Variants in CELF5 observed in about 807,000 individuals in gnomAD.
CELF5 encodes CUG-BP and ETR-3 like factor 5.
A neutral mutation model predicts 54.9 loss-of-function variants in CELF5; 6 were observed. The ratio of observed to expected loss-of-function variants is 0.11; its 90% CI spans 0.06 to 0.22. The LOEUF is 0.22. Among genes scored for constraint, CELF5 ranks in the 10% least tolerant of loss-of-function variants. The pLI is 1.00. For missense variants in CELF5, 401 were observed against 678.6 expected, an observed-to-expected ratio of 0.59 and a Z score of 4.54; for synonymous variants, 271 against 290.9, an observed-to-expected ratio of 0.93 and a Z score of 0.70.
intron 10 of CELF5, among the ~76,000 whole-genome samples, chr19:3,289,822 C>T (rs2080313862): frequency 6.6e-6 from 1 of 151,302 alleles, no homozygotes; most frequent in South Asian, 2.1e-4. Flanking sequence ...CCTTATTCTC[C>T]ACACCCAGCT....
intron 2 of CELF5, among the ~76,000 whole-genome samples, chr19:3,264,934 C>T (rs1469681205): frequency 6.6e-6 from 1 of 151,578 alleles, no homozygotes; most frequent in Non-Finnish European, 1.5e-5. Context: ...AGGTTGGTCT[C>T]AAACTCTGAC....
intron 10 of CELF5, 28 bp downstream of exon 10, chr19:3,286,053 G>A (rs377581051): frequency 1.8e-5 from 27 of 1,512,270 alleles, no homozygotes; most frequent in East Asian, 2.5e-5. Context: ...TCCCCTGGGC[G>A]CCAGCCCCGC....
chr19:3,296,542 T>C (rs2145351465), intron 12 of CELF5: 1 of 152,040 alleles, frequency 6.6e-6, no homozygotes, highest in Admixed American at 6.6e-5. Flanking sequence ...TTGATAATTG[T>C]TTCGAGACTC....
chr19:3,257,526 A>C (rs933121083), intron 2 of CELF5, among the ~76,000 whole-genome samples: 3 of 151,832 alleles, frequency 2.0e-5, no homozygotes, highest in Non-Finnish European at 2.9e-5. Context: ...CCCAGGCTGG[A>C]GTGCAGTGGT....
chr19:3,292,828 C>T (rs890999398), intron 11 of CELF5, among the ~76,000 whole-genome samples: 2 of 151,970 alleles, frequency 1.3e-5, no homozygotes, highest in African/African-American at 2.4e-5. Flanking sequence ...CCAAGGAGGT[C>T]GAGGCTGCAG....
At chr19:3,240,385 G>T (rs2079475047) in intron 1 of CELF5, among the ~76,000 whole-genome samples, 1 of 151,412 alleles carries the variant, frequency 6.6e-6, no homozygotes, top group Non-Finnish European at 1.5e-5. Context: ...GAATGCAGTG[G>T]CATAATCTCA....
At chr19:3,259,078 G>A (rs960942808) in intron 2 of CELF5, among the ~76,000 whole-genome samples, 3 of 152,162 alleles carry the variant, frequency 2.0e-5, no homozygotes, top group African/African-American at 7.2e-5. Context: ...AGGAGGGAAT[G>A]TTTGGGATGA....
chr19:3,245,332 G>T (rs1263902929), intron 1 of CELF5, among the ~76,000 whole-genome samples: 1 of 146,348 alleles, frequency 6.8e-6, no homozygotes, highest in Non-Finnish European at 1.5e-5. Context: ...GCATCTGTGT[G>T]TGTGCGTGTG....
Position 3,281,106 on chromosome 19 carries a change from C to T in CELF5, c.604-93C>T. On this transcript the variant is annotated intron_variant, in intron 5 of 12. Coordinates refer to ENST00000292672, the MANE Select transcript of CELF5 (RefSeq NM_021938.4). This position sits in a 1 kb window ranked among gnomAD's most constrained non-coding sequence, Gnocchi z 6.5. Reference sequence around the variant, plus strand: ...ACAGCCACTGGCATTACACCCCTCACCCAGGAGGCCTGAGCTAACATGAAT... The same window carrying T: ...ACAGCCACTGGCATTACACCCCTCATCCAGGAGGCCTGAGCTAACATGAAT... 1 of 1,454,708 alleles carries T rather than the reference C, an allele frequency of 6.9e-7. No individual in the cohort carries two copies. Among genetic ancestry groups the T allele is most frequent in the Non-Finnish European group, 9.4e-7 (1 of 1,065,558 alleles). The allele number at this position is 1,454,708 out of a possible 1,614,324, so 90.1% of individuals were successfully genotyped here. A position where few individuals can be genotyped will look rare whatever the true frequency, so the allele number is the denominator to read the frequency against.
chr19:3,286,307 T>G (rs1256095228), intron 10 of CELF5: 1 of 413,968 alleles, frequency 2.4e-6, no homozygotes, highest in African/African-American at 2.1e-5. Flanking sequence ...TCTCTGGATT[T>G]TTTGGAAAGG....
chr19:3,235,645 A>T (rs866338502), intron 1 of CELF5, among the ~76,000 whole-genome samples: 1 of 27,268 alleles, frequency 3.7e-5, no homozygotes, highest in Non-Finnish European at 8.2e-5. Flanking sequence ...TGGGTGGATG[A>T]GTGGATGGAT....
intron 2 of CELF5, among the ~76,000 whole-genome samples, chr19:3,254,311 C>A (rs2079689554): frequency 6.6e-6 from 1 of 151,938 alleles, no homozygotes; most frequent in Non-Finnish European, 1.5e-5. Context: ...GCCCATGTGT[C>A]TACATGCCTG....
rs28431784 is a variant in CELF5 at position 3,293,847 on chromosome 19, A to G, written c.*40+361A>G. 95,273 of 174,034 alleles carry G rather than the reference A, an allele frequency of 0.55. 27,768 individuals are homozygous for G. Among genetic ancestry groups the G allele is most frequent in the Middle Eastern group, 0.69 (248 of 358 alleles). The allele number at this position is 174,034 out of a possible 1,614,324, so 10.8% of individuals were successfully genotyped here. A position where few individuals can be genotyped will look rare whatever the true frequency, so the allele number is the denominator to read the frequency against. Reference sequence around the variant, plus strand: ...TGGGGAGGGGGTTCTGTCCTGTCCTATGAGTCTGTTTTCCCTGCTGAAAAC... The same window carrying G: ...TGGGGAGGGGGTTCTGTCCTGTCCTGTGAGTCTGTTTTCCCTGCTGAAAAC... On this transcript the variant is annotated intron_variant, in intron 12 of 12. Transcript: ENST00000292672.
At chr19:3,244,933 G>A (rs940573540) in intron 1 of CELF5, among the ~76,000 whole-genome samples, 2 of 145,852 alleles carry the variant, frequency 1.4e-5, no homozygotes, top group Non-Finnish European at 3.0e-5. Context: ...GTACGTGTGT[G>A]TGTGGTGTGT....
intron 1 of CELF5, among the ~76,000 whole-genome samples, chr19:3,246,406 A>G (rs2079567780): frequency 6.8e-6 from 1 of 147,936 alleles, no homozygotes; most frequent in African/African-American, 2.5e-5. Context: ...TCATATGTAT[A>G]TATATATATG....
chr19:3,275,765 T>C lies in CELF5; in HGVS notation c.395-91T>C. On this transcript the variant is annotated intron_variant, in intron 3 of 12. Coordinates refer to ENST00000292672, the MANE Select transcript of CELF5 (RefSeq NM_021938.4). This position sits in a 1 kb window ranked among gnomAD's most constrained non-coding sequence, Gnocchi z 6.7. ...GCCCGGGCGCCGCGTCTTCCTGCCC[T>C]GCCGCCTCCACTCTGCTGGAGGGAG... The C allele has an allele frequency of 7.1e-7, 1 of 1,403,032 alleles. No individual in the cohort carries two copies. The highest frequency in any genetic ancestry group is 2.1e-4 in the Middle Eastern group (1 of 4,684). The allele number at this position is 1,403,032 out of a possible 1,614,324, so 86.9% of individuals were successfully genotyped here. A position where few individuals can be genotyped will look rare whatever the true frequency, so the allele number is the denominator to read the frequency against.
chr19:3,255,464 G>A (rs987853335), intron 2 of CELF5, among the ~76,000 whole-genome samples: 8 of 152,112 alleles, frequency 5.3e-5, no homozygotes, highest in Admixed American at 1.3e-4. Flanking sequence ...GATTACAGGC[G>A]TAAGCCATTG....
chr19:3,287,830 G>T (rs1184107213), intron 10 of CELF5, among the ~76,000 whole-genome samples: 2 of 149,772 alleles, frequency 1.3e-5, no homozygotes, highest in African/African-American at 4.9e-5. Flanking sequence ...GAACGTAGTA[G>T]AAATGGTAGC....
intron 11 of CELF5, 93 bp from the exon 12 acceptor site, chr19:3,293,226 G>A: frequency 6.5e-7 from 1 of 1,547,214 alleles, no homozygotes; most frequent in Non-Finnish European, 8.8e-7. Context: ...GCCTGCTCAG[G>A]ACCCCGTGAG....
Sources: allele counts gnomAD v4.1 joint callset (sites outside exome capture counted in the v4.1 genomes callset), GRCh38; gene constraint gnomAD v4.1.1; non-coding constraint Gnocchi (gnomAD v3.1); transcripts MANE v1.5; gene names NCBI Gene and HGNC (gene_info 2026-07-23, HGNC 2026-07-21).